Variants in LDB2 observed in about 807,000 individuals in gnomAD.
LDB2 encodes the protein LIM domain binding 2, also known as LIM domain-binding protein 2.
A neutral mutation model predicts 44.3 loss-of-function variants in LDB2; 12 were observed. The ratio of observed to expected loss-of-function variants is 0.27; its 90% CI spans 0.17 to 0.44. The LOEUF is 0.44. Ranked by LOEUF, LDB2 falls within the 20% of genes least tolerant of loss-of-function variation. LDB2 has a pLI of 1.00. For synonymous variants in LDB2, 164 were observed against 174.8 expected, an observed-to-expected ratio of 0.94 and a Z score of 0.49; for missense variants, 344 against 473.5, an observed-to-expected ratio of 0.73 and a Z score of 2.54.
chr4:16,828,113 C>T (rs16894055), intron 1 of LDB2, among the ~76,000 whole-genome samples: 80 of 152,268 alleles, frequency 5.3e-4, no homozygotes, highest in African/African-American at 1.9e-3. Context: ...CTCTCCAATC[C>T]TCTCGTTCTA....
At chr4:16,775,029 C>T (rs1160442194) in intron 1 of LDB2, among the ~76,000 whole-genome samples, 1 of 152,120 alleles carries the variant, frequency 6.6e-6, no homozygotes, top group African/African-American at 2.4e-5. Context: ...ATGAGAGAAG[C>T]CAGACACAAA....
chr4:16,848,719 T>C (rs1337244531), intron 1 of LDB2, among the ~76,000 whole-genome samples: 2 of 152,216 alleles, frequency 1.3e-5, no homozygotes, highest in Non-Finnish European at 2.9e-5. Flanking sequence ...TCCACATACT[T>C]GCTGAAGACA....
At chr4:16,875,605 A>G (rs1301251068) in intron 1 of LDB2, among the ~76,000 whole-genome samples, 1 of 152,234 alleles carries the variant, frequency 6.6e-6, no homozygotes, top group African/African-American at 2.4e-5. Flanking sequence ...GACCAATAGA[A>G]GAGTCTCTAT....
intron 2 of LDB2, among the ~76,000 whole-genome samples, chr4:16,636,321 C>G (rs1487088594): frequency 6.6e-6 from 1 of 152,228 alleles, no homozygotes; most frequent in East Asian, 1.9e-4. Context: ...TTATCATTCT[C>G]TGCTGCTCCA....
chr4:16,624,973 G>A (rs1256634209), intron 2 of LDB2, among the ~76,000 whole-genome samples: 1 of 152,130 alleles, frequency 6.6e-6, no homozygotes, highest in Non-Finnish European at 1.5e-5. Context: ...AAAGGTATCT[G>A]GCCAAGTTCT....
intron 1 of LDB2, among the ~76,000 whole-genome samples, chr4:16,810,478 G>C (rs1009433289): frequency 2.6e-5 from 4 of 152,108 alleles, no homozygotes; most frequent in African/African-American, 9.7e-5. Context: ...GGAAGATAAG[G>C]GTAGTTGTGA....
chr4:16,844,799 T>C (rs1368788380), intron 1 of LDB2, among the ~76,000 whole-genome samples: 5 of 152,204 alleles, frequency 3.3e-5, no homozygotes, highest in South Asian at 4.1e-4. Context: ...CCTGAAAACA[T>C]TGCTTTTCCC....
At chr4:16,513,397 C>T (rs9992353) in intron 5 of LDB2, among the ~76,000 whole-genome samples, 26,843 of 152,146 alleles carry the variant, frequency 0.18, 2,528 homozygotes, top group South Asian at 0.28. Context: ...TATGGACTCA[C>T]TCATTCATGC....
intron 1 of LDB2, among the ~76,000 whole-genome samples, chr4:16,775,012 T>C (rs1771589768): frequency 6.6e-6 from 1 of 152,212 alleles, no homozygotes; most frequent in Admixed American, 6.5e-5. Flanking sequence ...CTCAAAACAC[T>C]ATGGCAATGA....
chr4:16,661,430 C>A (rs979904997), intron 2 of LDB2, among the ~76,000 whole-genome samples: 8 of 152,166 alleles, frequency 5.3e-5, no homozygotes, highest in African/African-American at 1.9e-4. Flanking sequence ...CCCATCTCAG[C>A]CACTTACTAG....
chr4:16,515,366 C>CA (rs1220735644), intron 5 of LDB2, among the ~76,000 whole-genome samples: 2 of 152,228 alleles, frequency 1.3e-5, no homozygotes, highest in Non-Finnish European at 2.9e-5. Context: ...GCCCAAACCT[C>CA]AGCATCACAT....
At chr4:16,503,236 C>T in intron 7 of LDB2, 1 of 1,145,740 alleles carries the variant, frequency 8.7e-7, no homozygotes, top group Non-Finnish European at 1.2e-6. Context: ...CTGCTGGGTG[C>T]TTCTCAATAC....
intron 2 of LDB2, among the ~76,000 whole-genome samples, chr4:16,610,794 C>CA (rs911165714): frequency 2.0e-5 from 3 of 152,094 alleles, no homozygotes; most frequent in African/African-American, 7.2e-5. Context: ...ACACCCTTCA[C>CA]AATATTATCC....
intron 5 of LDB2, among the ~76,000 whole-genome samples, chr4:16,571,168 A>G (rs1326824282): frequency 6.6e-6 from 1 of 152,230 alleles, no homozygotes; most frequent in Non-Finnish European, 1.5e-5. Flanking sequence ...TTTGGAGTGC[A>G]GTGGGCTGTC....
rs1721257397 is a variant in LDB2, at chr4:16,885,114, G to A, written c.132+13240C>T. Among the ~76,000 whole-genome samples, 3 of 137,900 alleles carry A rather than the reference G, an allele frequency of 2.2e-5. No homozygotes were observed. In the Admixed American group the frequency reaches 2.3e-4, roughly 11 times the overall value. The allele number at this position is 137,900 out of a possible 152,430, so 90.5% of individuals were successfully genotyped here. A position where few individuals can be genotyped will look rare whatever the true frequency, so the allele number is the denominator to read the frequency against. On this transcript the variant is annotated intron_variant, in intron 1 of 7. Coordinates refer to ENST00000304523, the MANE Select transcript of LDB2 (RefSeq NM_001290.5). Reference sequence around the variant, plus strand: ...GCGGGAGGATCACTCAAGCTCAGGAGTTTGAGACCAGCCTGGGCAACATAG... The same window carrying A: ...GCGGGAGGATCACTCAAGCTCAGGAATTTGAGACCAGCCTGGGCAACATAG...
intron 7 of LDB2, chr4:16,506,821 A>G (rs948423202): frequency 2.0e-5 from 3 of 152,228 alleles, no homozygotes; most frequent in African/African-American, 7.2e-5. Context: ...CTCAGAAAAC[A>G]TCTGTTGAAC....
chr4:16,633,308 G>A (rs1262038159), intron 2 of LDB2, among the ~76,000 whole-genome samples: 1 of 152,000 alleles, frequency 6.6e-6, no homozygotes, highest in Non-Finnish European at 1.5e-5. Flanking sequence ...GATGGGGGAG[G>A]GATAGCATTA....
intron 1 of LDB2, among the ~76,000 whole-genome samples, chr4:16,801,666 T>G (rs1484116615): frequency 6.6e-6 from 1 of 152,218 alleles, no homozygotes; most frequent in Non-Finnish European, 1.5e-5. Flanking sequence ...CATAATAATG[T>G]TCATCACTCT....
intron 2 of LDB2, among the ~76,000 whole-genome samples, chr4:16,754,920 T>C (rs551853584): frequency 6.6e-6 from 1 of 152,354 alleles, no homozygotes; most frequent in Admixed American, 6.5e-5. Flanking sequence ...CAAGAATGTT[T>C]GCATTGAACC....
Sources: gnomAD v4.1 joint callset for allele counts (sites outside exome capture counted in the v4.1 genomes callset) on GRCh38, gnomAD v4.1.1 for gene constraint, MANE v1.5 for transcripts, NCBI Gene and HGNC (gene_info 2026-07-23, HGNC 2026-07-21) for gene names.